Variants in FKBP5 observed in about 807,000 individuals in gnomAD.
FKBP5 encodes peptidyl-prolyl cis-trans isomerase FKBP5.
FKBP5 carries 23 observed loss-of-function variants against 50.5 expected under a neutral mutation model. That is an observed-to-expected ratio of 0.46 (90% CI 0.33 to 0.65). FKBP5 has a LOEUF of 0.65. Ranked by LOEUF, FKBP5 falls within the 30% of genes least tolerant of loss-of-function variation. FKBP5 has a pLI of 0.02. For synonymous variants in FKBP5, 176 were observed against 190.6 expected (o/e 0.92, Z 0.63); for missense variants, 411 against 553.1 (o/e 0.74, Z 2.58).
At chr6:35,579,950 A>G in intron 9 of FKBP5, 86 bp downstream of exon 9, 1 of 1,043,826 alleles carries the variant, frequency 9.6e-7, no homozygotes. Context: ...AAATCCTGCA[A>G]CCTTTGGCTG....
intron 1 of FKBP5, among the ~76,000 whole-genome samples, chr6:35,663,195 G>T (rs1482338972): frequency 1.3e-5 from 2 of 152,190 alleles, no homozygotes; most frequent in Non-Finnish European, 2.9e-5. Flanking sequence ...GTGAGCTGAG[G>T]GGGAGGGCTT....
At chr6:35,674,415 G>T (rs879324707) in intron 1 of FKBP5, among the ~76,000 whole-genome samples, 1 of 152,066 alleles carries the variant, frequency 6.6e-6, no homozygotes, top group Non-Finnish European at 1.5e-5. Flanking sequence ...AGTACATATG[G>T]AAAAGATGTC....
chr6:35,637,791 A>G (rs946923153), intron 2 of FKBP5, among the ~76,000 whole-genome samples: 2 of 152,152 alleles, frequency 1.3e-5, no homozygotes, highest in East Asian at 3.8e-4. Flanking sequence ...CTTGTGAGCT[A>G]GTCCATATAC....
At chr6:35,691,923 A>G (rs1246807755), upstream of FKBP5, among the ~76,000 whole-genome samples, 2 of 152,044 alleles carry the variant, frequency 1.3e-5, no homozygotes, top group African/African-American at 4.8e-5. Context: ...GCTGGGTCTA[A>G]TGCTCTGCTG....
chr6:35,617,316 CTT>C (rs1763690224), intron 5 of FKBP5, among the ~76,000 whole-genome samples: 2 of 151,804 alleles, frequency 1.3e-5, no homozygotes, highest in African/African-American at 4.8e-5. Context: ...TAAATGAACT[CTT>C]TACTTTTTTT....
rs541156783 is a variant in FKBP5, at chr6:35,721,785, C to A, written c.-240-1237G>T. Among the ~76,000 whole-genome samples, 11 of 152,350 alleles carry A rather than the reference C, an allele frequency of 7.2e-5. No individual in the cohort carries two copies. The East Asian group carries it at 2.1e-3, about 29-fold the overall frequency. ...AGTGGCTTTACAGCCAAAATGCGTA[C>A]TCCCAGTTGTGATTTTGACCAAGAA... On this transcript the variant is annotated intron_variant, in intron 1 of 11. Transcript: ENST00000536438.
At chr6:35,630,126 T>C (rs1401251339) in intron 3 of FKBP5, among the ~76,000 whole-genome samples, 1 of 150,044 alleles carries the variant, frequency 6.7e-6, no homozygotes, top group African/African-American at 2.5e-5. Context: ...ACAGAGCAAG[T>C]CTCTGGAGAG....
intron 2 of FKBP5, among the ~76,000 whole-genome samples, chr6:35,713,056 G>A (rs1309079290): frequency 2.4e-5 from 3 of 124,574 alleles, no homozygotes; most frequent in African/African-American, 6.5e-5. Flanking sequence ...CAGCCCAGGC[G>A]ACAATGCAAG....
At chr6:35,670,871 A>T (rs1219148717) in intron 1 of FKBP5, among the ~76,000 whole-genome samples, 1 of 152,212 alleles carries the variant, frequency 6.6e-6, no homozygotes, top group Non-Finnish European at 1.5e-5. Context: ...ACTCAGTCAC[A>T]TATTTAAAAA....
At chr6:35,652,628 C>A (rs1186482829) in intron 1 of FKBP5, among the ~76,000 whole-genome samples, 1 of 152,140 alleles carries the variant, frequency 6.6e-6, no homozygotes, top group Non-Finnish European at 1.5e-5. Flanking sequence ...GATCTCAAAA[C>A]CCTGTCTCCT....
chr6:35,648,863 C>T (rs571976213), intron 1 of FKBP5, among the ~76,000 whole-genome samples: 24 of 152,100 alleles, frequency 1.6e-4, no homozygotes, highest in Middle Eastern at 3.4e-3. Context: ...ACAGGAGAAT[C>T]GCTTGAACCC....
At chr6:35,694,199 GC>G (rs1461805636) in intron 2 of FKBP5, among the ~76,000 whole-genome samples, 1 of 152,126 alleles carries the variant, frequency 6.6e-6, no homozygotes, top group Non-Finnish European at 1.5e-5. Flanking sequence ...AGGCCGGAGT[GC>G]GGTGGCGTGA....
At chr6:35,696,019 C>G (rs985068591) in intron 2 of FKBP5, among the ~76,000 whole-genome samples, 1 of 151,814 alleles carries the variant, frequency 6.6e-6, no homozygotes, top group Admixed American at 6.6e-5. Context: ...GTGGCAGGCA[C>G]CTGTAGTCCC....
chr6:35,578,092 G>A (rs867229203), intron 9 of FKBP5, among the ~76,000 whole-genome samples: 2 of 143,270 alleles, frequency 1.4e-5, no homozygotes, highest in Non-Finnish European at 3.0e-5. Flanking sequence ...ACCTCATATT[G>A]TAAGCACAAA....
chr6:35,683,135 T>C (rs1765726618), intron 1 of FKBP5, among the ~76,000 whole-genome samples: 1 of 121,704 alleles, frequency 8.2e-6, no homozygotes, highest in African/African-American at 3.3e-5. Context: ...TGTGTGTGTG[T>C]GTGTGTGTGT....
chr6:35,657,052 A>G (rs1168910757), intron 1 of FKBP5, among the ~76,000 whole-genome samples: 1 of 72,474 alleles, frequency 1.4e-5, no homozygotes, highest in Non-Finnish European at 2.9e-5. Flanking sequence ...TCTACTAAAA[A>G]TACAAAAAAA....
intron 3 of FKBP5, among the ~76,000 whole-genome samples, chr6:35,628,374 A>AG (rs1764060959): frequency 6.6e-6 from 1 of 152,208 alleles, no homozygotes; most frequent in South Asian, 2.1e-4. Context: ...CAGAAAAAAA[A>AG]TTACTTTTTC....
At chr6:35,680,218 G>T (rs1581878166) in intron 1 of FKBP5, among the ~76,000 whole-genome samples, 2 of 152,178 alleles carry the variant, frequency 1.3e-5, no homozygotes, top group East Asian at 1.9e-4. Context: ...ATCACTTGAG[G>T]CCAGGAGTTC....
chr6:35,582,283 G>A (rs897993962), intron 8 of FKBP5: 4 of 985,334 alleles, frequency 4.1e-6, no homozygotes, highest in Non-Finnish European at 4.8e-6. Flanking sequence ...TGAAATTCTT[G>A]AGGAAATTAG....
Sources: gnomAD v4.1 joint callset for allele counts (sites outside exome capture counted in the v4.1 genomes callset) on GRCh38, gnomAD v4.1.1 for gene constraint, MANE v1.5 for transcripts, NCBI Gene and HGNC (gene_info 2026-07-23, HGNC 2026-07-21) for gene names.